Variants in LRRC4 observed in about 807,000 individuals in gnomAD.
LRRC4 encodes the protein leucine-rich repeat-containing protein 4.
In LRRC4, 11 loss-of-function variants were observed where a neutral mutation model predicts 37.9. The observed-to-expected ratio is 0.29, with a 90% CI of 0.18 to 0.48. The LOEUF (loss-of-function observed/expected upper bound fraction) is 0.48. Among genes scored for constraint, LRRC4 ranks in the 20% least tolerant of loss-of-function variants. LRRC4 has a pLI of 0.99. For synonymous variants in LRRC4, 404 were observed against 346.7 expected (o/e 1.17, Z -1.84); for missense variants, 717 against 842.1 (o/e 0.85, Z 1.84).
Position 128,031,279 on chromosome 7 carries a change from T to G in LRRC4, c.-467A>C, listed in dbSNP as rs1192825600. Among the ~76,000 whole-genome samples, 4 of 145,078 alleles carry G rather than the reference T, an allele frequency of 2.8e-5. No homozygotes were observed. The South Asian group carries it at 1.0e-3, about 36-fold the overall frequency. ...CGCTCCAGCCGCGGGGGAAGGCGCT[T>G]CATCGCCAAAGTGCGCTCCGGCGGC... On this transcript the variant is annotated 5_prime_UTR_variant, in exon 1 of 2. Coordinates refer to ENST00000249363, the MANE Select transcript of LRRC4 (RefSeq NM_022143.5).
Position 128,028,663 on chromosome 7 carries a change from T to C in LRRC4, c.*16A>G. 3 of 1,595,570 alleles carry C rather than the reference T, an allele frequency of 1.9e-6. No homozygotes were observed. The highest frequency in any genetic ancestry group is 2.6e-6 in the Non-Finnish European group (3 of 1,170,450). ...TGCATTCTATTGCATTTTATAAGTTTTTTGGGGGAGGGGAGTCATATTTGA... is the reference window on the plus strand; with the variant it reads ...TGCATTCTATTGCATTTTATAAGTTCTTTGGGGGAGGGGAGTCATATTTGA... On this transcript the variant is annotated 3_prime_UTR_variant, in exon 2 of 2. Coordinates refer to ENST00000249363, the MANE Select transcript of LRRC4 (RefSeq NM_022143.5).
chr7:128,029,778 G>T lies in LRRC4; in HGVS notation c.863C>A (p.Pro288Gln). 1 of 1,613,308 alleles carries T rather than the reference G, an allele frequency of 6.2e-7. No homozygotes were observed. ...ATGCAACTCCACCAGGTACCTCAGC[G>T]GGGTAAAGAGGTCATGGGGCAAAGA... ...LSSLPHDLFT[P>Q]LRYLVELHLH... is the part of the protein sequence containing the mutation. Residue 288 changes from proline to glutamine, a missense_variant, in exon 2 of 2, where the codon CCG (proline) becomes CAG (glutamine). By Grantham distance (76) the Pro-to-Gln change is moderately conservative. This residue lies in a region of LRRC4 where 138 missense variants were observed against 261.0 expected (regional missense o/e 0.53). Transcript: ENST00000249363. The surrounding 1 kb of genome is among the most constrained non-coding windows in gnomAD (Gnocchi z 4.2).
rs1792494931 is a variant in LRRC4 at position 128,029,155 on chromosome 7, G to C, written c.1486C>G (p.Gln496Glu). Reference protein sequence around the residue: ...AYTTSTTVLIQTTRVPKQVAV... With the variant: ...AYTTSTTVLIETTRVPKQVAV... The stretch of plus-strand genomic sequence containing the variant: ...ACCTGCTTGGGCACACGGGTAGTCT[G>C]AATGAGCACCGTGGTAGAGGTGGTA... Residue 496 changes from glutamine (Q) to glutamate (E), a missense_variant, in exon 2 of 2, where the codon CAG becomes GAG. Physicochemically the swap from Gln to Glu is conservative, Grantham distance 29. Transcript: ENST00000249363. This position sits in a 1 kb window ranked among gnomAD's most constrained non-coding sequence, Gnocchi z 4.2. The C allele has an allele frequency of 6.2e-7, 1 of 1,614,130 alleles. No individual in the cohort carries two copies. Among genetic ancestry groups the C allele is most frequent in the Non-Finnish European group, 8.5e-7 (1 of 1,180,028 alleles).
chr7:128,029,470 C>T lies in LRRC4; in HGVS notation c.1171G>A (p.Val391Met), dbSNP rs781541864. 1 of 1,614,084 alleles carries T rather than the reference C, an allele frequency of 6.2e-7. No homozygotes were observed. The highest frequency in any genetic ancestry group is 8.5e-7 in the Non-Finnish European group (1 of 1,180,052). ...SVKWLLPNGT[V>M]LSHASRHPRI... is the part of the protein sequence containing the mutation. ...GGGTGGCGGGAGGCGTGGCTGAGCACTGTCCCATTGGGCAGCAACCACTTC... is the reference window on the plus strand; with the variant it reads ...GGGTGGCGGGAGGCGTGGCTGAGCATTGTCCCATTGGGCAGCAACCACTTC... The change falls in exon 2 of 2, where the codon GTG (valine) becomes ATG (methionine). Residue 391 changes from valine to methionine, a missense_variant. Transcript: ENST00000249363. The surrounding 1 kb of genome is among the most constrained non-coding windows in gnomAD (Gnocchi z 4.2).
chr7:128,029,523 T>G lies in LRRC4; in HGVS notation c.1118A>C (p.Lys373Thr). ...NISEGRMAEL[K>T]CRTPPMSSVK... ...GGAGGACATAGGGGGAGTCCGACACTTAAGTTCTGCCATCCGACCCTCAGA... is the reference window on the plus strand; with the variant it reads ...GGAGGACATAGGGGGAGTCCGACACGTAAGTTCTGCCATCCGACCCTCAGA... The change falls in exon 2 of 2, where the codon AAG becomes ACG. Residue 373 changes from lysine to threonine, a missense_variant. Lys to Thr is a moderately conservative substitution (Grantham distance 78). Transcript: ENST00000249363. This position sits in a 1 kb window ranked among gnomAD's most constrained non-coding sequence, Gnocchi z 4.2. The G allele has an allele frequency of 6.2e-7, 1 of 1,614,034 alleles. No individual in the cohort carries two copies. The highest frequency in any genetic ancestry group is 2.2e-5 in the East Asian group (1 of 44,868).
In LRRC4 at chr7:128,029,960, C is replaced by T; in HGVS notation, c.681G>A (p.Gly227=). The part of the protein sequence containing the change: ...LVGLEELEMS[G]NHFPEIRPGS... ...CAGGCCTGATCTCAGGGAAGTGGTT[C>T]CCTGACATCTCCAGCTCCTCCAGCC... Residue 227 remains glycine (G), a synonymous_variant, in exon 2 of 2, where the codon GGG becomes GGA. Transcript: ENST00000249363. The surrounding 1 kb of genome is among the most constrained non-coding windows in gnomAD (Gnocchi z 4.2). The T allele has an allele frequency of 6.2e-7, 1 of 1,613,138 alleles. No homozygotes were observed. The highest frequency in any genetic ancestry group is 8.5e-7 in the Non-Finnish European group (1 of 1,180,004).
chr7:128,029,608 G>C lies in LRRC4; in HGVS notation c.1033C>G (p.Gln345Glu), dbSNP rs199618977. The change falls in exon 2 of 2, where the codon CAG becomes GAG. Residue 345 changes from glutamine to glutamate, a missense_variant. Physicochemically the swap from Gln to Glu is conservative, Grantham distance 29 (BLOSUM62 2). This residue lies in a region of LRRC4 where 293 missense variants were observed against 268.3 expected (regional missense o/e 1.09). Coordinates refer to ENST00000249363, the MANE Select transcript of LRRC4 (RefSeq NM_022143.5). The surrounding 1 kb of genome is among the most constrained non-coding windows in gnomAD (Gnocchi z 4.2). ...MRGRYLVEVD[Q>E]ASFQCSAPFI... ...GGGGCAGAGCACTGGAAGGAGGCCT[G>C]GTCCACCTCCACGAGGTAGCGGCCT... 2.4e-4 allele frequency: 386 copies of C among 1,613,936 alleles called. 1 individual carries two copies. Among genetic ancestry groups the C allele is most frequent in the Non-Finnish European group, 4.7e-5 (55 of 1,180,032 alleles).
Position 128,028,610 on chromosome 7 carries a change from A to T in LRRC4, c.*69T>A. 1 of 1,437,684 alleles carries T rather than the reference A, an allele frequency of 7.0e-7. No individual in the cohort carries two copies. The highest frequency in any genetic ancestry group is 1.3e-5 in the South Asian group (1 of 75,540). The allele number at this position is 1,437,684 out of a possible 1,614,324, so 89.1% of individuals were successfully genotyped here. On this transcript the variant is annotated 3_prime_UTR_variant, in exon 2 of 2. Transcript: ENST00000249363. ...CATATACAAGAAAAAGTCTCTCCCC[A>T]CTCTGTACAAAAGTTGCTGTCTTTG...
rs556055955 is a variant in LRRC4 at position 128,029,509 on chromosome 7, G to T, written c.1132C>A (p.Pro378Thr). Reference protein sequence around the residue: ...RMAELKCRTPPMSSVKWLLPN... With the variant: ...RMAELKCRTPTMSSVKWLLPN... Reference sequence around the variant, plus strand: ...AGCAACCACTTCACGGAGGACATAGGGGGAGTCCGACACTTAAGTTCTGCC... The same window carrying T: ...AGCAACCACTTCACGGAGGACATAGTGGGAGTCCGACACTTAAGTTCTGCC... Residue 378 changes from proline (P) to threonine (T), a missense_variant, in exon 2 of 2, where the codon CCT (proline) becomes ACT (threonine). Around this residue, in one of 5 missense-constraint regions of LRRC4, gnomAD observed 293 missense variants for 268.3 expected, o/e 1.09. Coordinates refer to ENST00000249363, the MANE Select transcript of LRRC4 (RefSeq NM_022143.5). This position sits in a 1 kb window ranked among gnomAD's most constrained non-coding sequence, Gnocchi z 4.2. 68 of 1,613,986 alleles carry T rather than the reference G, an allele frequency of 4.2e-5. 1 individual carries two copies. In the Admixed American group the frequency reaches 1.1e-3, roughly 27 times the overall value.
chr7:128,030,720 G>C lies in LRRC4; in HGVS notation c.-80C>G. On this transcript the variant is annotated 5_prime_UTR_variant, in exon 2 of 2. Coordinates refer to ENST00000249363, the MANE Select transcript of LRRC4 (RefSeq NM_022143.5). ...ACCAGCCCTACCCCGGCTTAAGTGA[G>C]CTAGGAGCTCCTCTTTCCATCTGGA... 1 of 1,474,324 alleles carries C rather than the reference G, an allele frequency of 6.8e-7. No homozygotes were observed. 91.3% of individuals were successfully genotyped at this position (1,474,324 alleles called of 1,614,324 possible). A position where few individuals can be genotyped will look rare whatever the true frequency, so the allele number is the denominator to read the frequency against.
At position 128,030,383 on chromosome 7, in the gene LRRC4, G is replaced by A. The variant is rs762713672; in HGVS notation, c.258C>T (p.Asn86=). 4.4e-5 allele frequency: 71 copies of A among 1,613,832 alleles called. No individual in the cohort carries two copies. Among genetic ancestry groups the A allele is most frequent in the Non-Finnish European group, 4.2e-5 (50 of 1,180,036 alleles). ...AGGTGTCGGCCTGGATCATCTGGAT[G>A]TTGTTCTCCATGAGGTTGAGGTACC... The part of the protein sequence containing the change: ...NTRYLNLMEN[N]IQMIQADTFR... The change falls in exon 2 of 2, where the codon AAC becomes AAT. Residue 86 remains asparagine (N), a synonymous_variant. Transcript: ENST00000249363.
At position 128,027,819 on chromosome 7, in the gene LRRC4, C is replaced by G. The variant is rs1024769073; in HGVS notation, c.*860G>C. The G allele has an allele frequency of 2.0e-5, 3 of 152,136 alleles. No homozygotes were observed. The highest frequency in any genetic ancestry group is 1.9e-4 in the East Asian group (1 of 5,178). 9.4% of individuals were successfully genotyped at this position (152,136 alleles called of 1,614,324 possible). On this transcript the variant is annotated 3_prime_UTR_variant, in exon 2 of 2. Transcript: ENST00000249363. ...ACCCTCCCTTCCCACCCCCCTGCTG[C>G]CGCACCCCTTCAGGGGCCTCCTCCT... is the stretch of plus-strand genomic sequence containing the variant.
In LRRC4 at chr7:128,028,603, T is replaced by C. The variant is rs1803550636; in HGVS notation, c.*76A>G. 2 of 1,364,772 alleles carry C rather than the reference T, an allele frequency of 1.5e-6. No individual in the cohort carries two copies. Among genetic ancestry groups the C allele is most frequent in the Non-Finnish European group, 2.0e-6 (2 of 996,736 alleles). The allele number at this position is 1,364,772 out of a possible 1,614,324, so 84.5% of individuals were successfully genotyped here. ...ATATAAGCATATACAAGAAAAAGTC[T>C]CTCCCCACTCTGTACAAAAGTTGCT... On this transcript the variant is annotated 3_prime_UTR_variant, in exon 2 of 2. Transcript: ENST00000249363.
In LRRC4 at chr7:128,027,660, A is replaced by C. The variant is rs1803516405; in HGVS notation, c.*1019T>G. 1 of 152,128 alleles carries C rather than the reference A, an allele frequency of 6.6e-6. No homozygotes were observed. Among genetic ancestry groups the C allele is most frequent in the Non-Finnish European group, 1.5e-5 (1 of 68,016 alleles). The allele number at this position is 152,128 out of a possible 1,614,324, so 9.4% of individuals were successfully genotyped here. On this transcript the variant is annotated 3_prime_UTR_variant, in exon 2 of 2. Transcript: ENST00000249363. ...AGGCTTCTCCTCCCTCTCCACCTTA[A>C]AACAAACAAAATCTTTTTTAAAAAT...
rs1002004835 is a variant in LRRC4, at chr7:128,027,659, AAAAC to A, written c.*1016_*1019del. The A allele has an allele frequency of 3.3e-5, 5 of 152,190 alleles. No individual in the cohort carries two copies. The highest frequency in any genetic ancestry group is 2.0e-4 in the Admixed American group (3 of 15,272). The allele number at this position is 152,190 out of a possible 1,614,324, so 9.4% of individuals were successfully genotyped here. ...CAGGCTTCTCCTCCCTCTCCACCTTAAAACAAACAAAATCTTTTTTAAAAATCAT... is the reference window on the plus strand; with the variant it reads ...CAGGCTTCTCCTCCCTCTCCACCTTAAAACAAAATCTTTTTTAAAAATCAT... On this transcript the variant is annotated 3_prime_UTR_variant, in exon 2 of 2. Coordinates refer to ENST00000249363, the MANE Select transcript of LRRC4 (RefSeq NM_022143.5).
chr7:128,028,675 G>A lies in LRRC4; in HGVS notation c.*4C>T. ...CATTTTATAAGTTTTTTGGGGGAGG[G>A]GAGTCATATTTGAGTTTCCTGTACC... On this transcript the variant is annotated 3_prime_UTR_variant, in exon 2 of 2. Coordinates refer to ENST00000249363, the MANE Select transcript of LRRC4 (RefSeq NM_022143.5). 2.2e-5 allele frequency: 36 copies of A among 1,600,990 alleles called. No homozygotes were observed. The highest frequency in any genetic ancestry group is 3.1e-5 in the Non-Finnish European group (36 of 1,172,646).
chr7:128,029,429 G>A lies in LRRC4; in HGVS notation c.1212C>T (p.Leu404=), dbSNP rs769342110. The change falls in exon 2 of 2, where the codon CTC becomes CTT. Residue 404 remains leucine (L), a synonymous_variant. Coordinates refer to ENST00000249363, the MANE Select transcript of LRRC4 (RefSeq NM_022143.5). This position sits in a 1 kb window ranked among gnomAD's most constrained non-coding sequence, Gnocchi z 4.2. ...HASRHPRISV[L]NDGTLNFSHV... ...GGGAAAAGTTCAAGGTGCCGTCGTT[G>A]AGGACAGAGATCCTTGGGTGGCGGG... The A allele has an allele frequency of 1.9e-6, 3 of 1,614,108 alleles. No homozygotes were observed. Among genetic ancestry groups the A allele is most frequent in the South Asian group, 2.2e-5 (2 of 91,088 alleles).
chr7:128,027,839 C>T lies in LRRC4; in HGVS notation c.*840G>A, dbSNP rs1276553364. On this transcript the variant is annotated 3_prime_UTR_variant, in exon 2 of 2. Transcript: ENST00000249363. ...TGCTGCCGCACCCCTTCAGGGGCCTCCTCCTCCTGGGAAACCCTGAATAGA... is the reference window on the plus strand; with the variant it reads ...TGCTGCCGCACCCCTTCAGGGGCCTTCTCCTCCTGGGAAACCCTGAATAGA... 6.6e-6 allele frequency: 1 copy of T among 152,072 alleles called. No homozygotes were observed. Among genetic ancestry groups the T allele is most frequent in the Non-Finnish European group, 1.5e-5 (1 of 68,004 alleles). 9.4% of individuals were successfully genotyped at this position (152,072 alleles called of 1,614,324 possible).
At position 128,029,346 on chromosome 7, in the gene LRRC4, T is replaced by G. The variant is rs201166040; in HGVS notation, c.1295A>C (p.Asn432Thr). 5.6e-6 allele frequency: 9 copies of G among 1,613,856 alleles called. No individual in the cohort carries two copies. Among genetic ancestry groups the G allele is most frequent in the Non-Finnish European group, 6.8e-6 (8 of 1,179,990 alleles). ...ATTGAGGTAGGCCGAGGCGTTGGAG[T>G]TGCCTGCAACATTGGTCACCATGCA... ...YTCMVTNVAGNSNASAYLNVS... is the reference protein window; with the variant it reads ...YTCMVTNVAGTSNASAYLNVS... Residue 432 changes from asparagine (N) to threonine (T), a missense_variant, in exon 2 of 2, where the codon AAC becomes ACC. This residue lies in a region of LRRC4 where 293 missense variants were observed against 268.3 expected (regional missense o/e 1.09). Coordinates refer to ENST00000249363, the MANE Select transcript of LRRC4 (RefSeq NM_022143.5). The surrounding 1 kb of genome is among the most constrained non-coding windows in gnomAD (Gnocchi z 4.2).
Sources: gnomAD v4.1 joint callset for allele counts (sites outside exome capture counted in the v4.1 genomes callset) on GRCh38, gnomAD v4.1.1 for gene constraint, gnomAD v4.1.1 regional missense constraint, Gnocchi (gnomAD v3.1) non-coding constraint, MANE v1.5 for transcripts, NCBI Gene and HGNC (gene_info 2026-07-23, HGNC 2026-07-21) for gene names.